Variants in GDF2 observed in about 807,000 individuals in gnomAD.
The protein encoded by GDF2 is growth differentiation factor 2.
In GDF2, 17 loss-of-function variants were observed where a neutral mutation model predicts 16.9. The ratio of observed to expected loss-of-function variants is 1.00; its 90% confidence interval spans 0.69 to 1.51. GDF2 has a LOEUF of 1.51. GDF2 is among the 40% of genes most tolerant of loss of function. GDF2 has a pLI of 0.00. For synonymous variants in GDF2, 276 were observed against 237.6 expected (o/e 1.16, Z -1.49); for missense variants, 523 against 556.3 (o/e 0.94, Z 0.60).
In GDF2 at chr10:47,323,156, A is replaced by G. The variant is rs1208586899; in HGVS notation, c.346+142A>G. ...TTACAATGAAATAAAATTAAAACTT[A>G]TTTCTTTAGCCTCACCAGCTTCCTT... On this transcript the variant is annotated intron_variant, in intron 1 of 1. Coordinates refer to ENST00000581492, the MANE Select transcript of GDF2 (RefSeq NM_016204.4). The G allele has an allele frequency of 1.3e-5, 8 of 615,624 alleles. No individual in the cohort carries two copies. In the Admixed American group the frequency reaches 2.6e-4, roughly 20 times the overall value. The allele number at this position is 615,624 out of a possible 1,614,324, so 38.1% of individuals were successfully genotyped here. A position where few individuals can be genotyped will look rare whatever the true frequency, so the allele number is the denominator to read the frequency against.
rs572929570 is a variant in GDF2, at chr10:47,326,804, G to A, written c.*1020G>A. 6.6e-6 allele frequency among the ~76,000 whole-genome samples: 1 copy of A among 152,364 alleles called. No individual in the cohort carries two copies. The highest frequency in any genetic ancestry group is 2.1e-4 in the South Asian group (1 of 4,832). On this transcript the variant is annotated 3_prime_UTR_variant, in exon 2 of 2. Coordinates refer to ENST00000581492, the MANE Select transcript of GDF2 (RefSeq NM_016204.4). ...TGGCCAGCACCTCTGCAGTTACTCT[G>A]CATAGCCAGCTCACCAGCATGCCAT...
intron 1 of GDF2, among the ~76,000 whole-genome samples, chr10:47,324,089 G>A (rs143332702): frequency 1.1e-4 from 16 of 152,358 alleles, no homozygotes; most frequent in East Asian, 9.6e-4. Context: ...TAGCAGGAGC[G>A]TGCTAATGAC....
chr10:47,325,220 C>T lies in GDF2; in HGVS notation c.726C>T (p.Ile242=). Residue 242 remains isoleucine (I), a synonymous_variant, in exon 2 of 2, where the codon ATC becomes ATT. Coordinates refer to ENST00000581492, the MANE Select transcript of GDF2 (RefSeq NM_016204.4). ...SHRKGCDTLD[I]SVPPGSRNLP... ...GGAAGGGCTGCGACACGCTGGACAT[C>T]AGTGTCCCCCCAGGTTCCAGAAACC... 6.2e-7 allele frequency: 1 copy of T among 1,614,092 alleles called. No individual in the cohort carries two copies. The highest frequency in any genetic ancestry group is 1.1e-5 in the South Asian group (1 of 91,070).
rs552900522 is a variant in GDF2, at chr10:47,327,024, C to A, written c.*1240C>A. 6.6e-6 allele frequency among the ~76,000 whole-genome samples: 1 copy of A among 152,230 alleles called. No homozygotes were observed. The highest frequency in any genetic ancestry group is 2.4e-5 in the African/African-American group (1 of 41,446). On this transcript the variant is annotated 3_prime_UTR_variant, in exon 2 of 2. Coordinates refer to ENST00000581492, the MANE Select transcript of GDF2 (RefSeq NM_016204.4). Reference sequence around the variant, plus strand: ...TCGGAAGAGCTGCAGTCCTTATCGGCTATCACTGGCTCTGCCTGCATTTGC... The same window carrying A: ...TCGGAAGAGCTGCAGTCCTTATCGGATATCACTGGCTCTGCCTGCATTTGC...
chr10:47,325,784 GTA>G lies in GDF2; in HGVS notation c.*2_*3del, dbSNP rs782403303. ...GCGTGGCAGAGTGTGGGTGCAGGTA[GTA>G]TCTGCCTGCGGGGCTGGGGAGGCAG... is the stretch of plus-strand genomic sequence containing the variant. On this transcript the variant is annotated 3_prime_UTR_variant, in exon 2 of 2. Transcript: ENST00000581492. 1 of 1,531,024 alleles carries G rather than the reference GTA, an allele frequency of 6.5e-7. No individual in the cohort carries two copies. Among genetic ancestry groups the G allele is most frequent in the Non-Finnish European group, 8.8e-7 (1 of 1,138,836 alleles). 94.8% of individuals were successfully genotyped at this position (1,531,024 alleles called of 1,614,324 possible). A position where few individuals can be genotyped will look rare whatever the true frequency, so the allele number is the denominator to read the frequency against.
In GDF2 at chr10:47,325,088, G is replaced by A. The variant is rs782129111; in HGVS notation, c.594G>A (p.Gln198=). 1 of 1,614,096 alleles carries A rather than the reference G, an allele frequency of 6.2e-7. No homozygotes were observed. Among genetic ancestry groups the A allele is most frequent in the Middle Eastern group, 1.6e-4 (1 of 6,062 alleles). ...CCTTCCTGGTGTCCCAGGACATTCA[G>A]GATGAGGGCTGGGAGACCTTGGAAG... The part of the protein sequence containing the change: ...TKTFLVSQDI[Q]DEGWETLEVS... The change falls in exon 2 of 2, where the codon CAG becomes CAA. Residue 198 remains glutamine, a synonymous_variant. Coordinates refer to ENST00000581492, the MANE Select transcript of GDF2 (RefSeq NM_016204.4).
At position 47,325,774 on chromosome 10, in the gene GDF2, G is replaced by A. The variant is rs1555209109; in HGVS notation, c.1280G>A (p.Gly427Glu). Residue 427 changes from glycine to glutamate, a missense_variant, in exon 2 of 2, where the codon GGG (glycine) becomes GAG (glutamate). Gly to Glu is a moderately conservative substitution (Grantham distance 98, BLOSUM62 -2). Transcript: ENST00000581492. ...GAGGGCATGAGCGTGGCAGAGTGTG[G>A]GTGCAGGTAGTATCTGCCTGCGGGG... ...HYEGMSVAEC[G>E]CR 6.5e-7 allele frequency: 1 copy of A among 1,539,936 alleles called. No individual in the cohort carries two copies. Among genetic ancestry groups the A allele is most frequent in the Non-Finnish European group, 8.8e-7 (1 of 1,142,802 alleles).
In GDF2 at chr10:47,325,701, G is replaced by A. The variant is rs367957332; in HGVS notation, c.1207G>A (p.Val403Ile). ...GCCCACCAAACTGAGCCCCATCTCC[G>A]TCCTCTACAAGGATGACATGGGGGT... ...CVPTKLSPISVLYKDDMGVPT... is the reference protein window; with the variant it reads ...CVPTKLSPISILYKDDMGVPT... Residue 403 changes from valine (V) to isoleucine (I), a missense_variant, in exon 2 of 2, where the codon GTC (valine) becomes ATC (isoleucine). Val to Ile is a conservative substitution (Grantham distance 29). Coordinates refer to ENST00000581492, the MANE Select transcript of GDF2 (RefSeq NM_016204.4). The A allele has an allele frequency of 4.7e-5, 76 of 1,601,416 alleles. 1 individual carries two copies. The highest frequency in any genetic ancestry group is 3.6e-4 in the East Asian group (16 of 44,728).
Position 47,322,814 on chromosome 10 carries a change from C to T in GDF2, c.146C>T (p.Pro49Leu), listed in dbSNP as rs563112709. 6.2e-7 allele frequency: 1 copy of T among 1,613,932 alleles called. No individual in the cohort carries two copies. The highest frequency in any genetic ancestry group is 1.3e-5 in the African/African-American group (1 of 75,058). The change falls in exon 1 of 2, where the codon CCT (proline) becomes CTT (leucine). Residue 49 changes from proline to leucine, a missense_variant. Pro to Leu is a moderately conservative substitution (Grantham distance 98). Coordinates refer to ENST00000581492, the MANE Select transcript of GDF2 (RefSeq NM_016204.4). ...CTGGGGGTGCCTGGAGGTGGGCTGC[C>T]TGAGCACACCTTCAACCTGAAGATG... ...SPLGVPGGGL[P>L]EHTFNLKMFL... is the part of the protein sequence containing the mutation.
At chr10:47,324,791 A>G in intron 1 of GDF2, 50 bp from the exon 2 acceptor site, 1 of 1,292,598 alleles carries the variant, frequency 7.7e-7, no homozygotes, top group South Asian at 1.2e-5. Context: ...CTTCAGTGTC[A>G]TGGAAACAGA....
chr10:47,323,195 T>G (rs1029613708), intron 1 of GDF2, among the ~76,000 whole-genome samples, 181 bp downstream of exon 1: 32 of 152,358 alleles, frequency 2.1e-4, no homozygotes, highest in African/African-American at 7.7e-4. Context: ...AATGCGTGGC[T>G]AATGGCTTCC....
chr10:47,324,930 A>C lies in GDF2; in HGVS notation c.436A>C (p.Thr146Pro). The change falls in exon 2 of 2, where the codon ACC (threonine) becomes CCC (proline). Residue 146 changes from threonine (T) to proline (P), a missense_variant. Transcript: ENST00000581492. ...CTCCATTCCTAGGCATGAGCAGATC[A>C]CCAGAGCTGAGCTCCGACTCTATGT... ...NISIPRHEQI[T>P]RAELRLYVSC... 6.2e-7 allele frequency: 1 copy of C among 1,614,024 alleles called. No individual in the cohort carries two copies. The highest frequency in any genetic ancestry group is 8.5e-7 in the Non-Finnish European group (1 of 1,179,974).
Position 47,325,222 on chromosome 10 carries a change from G to C in GDF2, c.728G>C (p.Ser243Thr), listed in dbSNP as rs373157226. ...AAGGGCTGCGACACGCTGGACATCAGTGTCCCCCCAGGTTCCAGAAACCTG... is the reference window on the plus strand; with the variant it reads ...AAGGGCTGCGACACGCTGGACATCACTGTCCCCCCAGGTTCCAGAAACCTG... ...HRKGCDTLDI[S>T]VPPGSRNLPF... Residue 243 changes from serine to threonine, a missense_variant, in exon 2 of 2, where the codon AGT becomes ACT. Physicochemically the swap from Ser to Thr is moderately conservative, Grantham distance 58. Transcript: ENST00000581492. 4.3e-6 allele frequency: 7 copies of C among 1,614,122 alleles called. No homozygotes were observed. Among genetic ancestry groups the C allele is most frequent in the East Asian group, 2.2e-5 (1 of 44,876 alleles).
rs782024064 is a variant in GDF2, at chr10:47,325,790, G to A, written c.*6G>A. 6.6e-7 allele frequency: 1 copy of A among 1,522,436 alleles called. No homozygotes were observed. Among genetic ancestry groups the A allele is most frequent in the Non-Finnish European group, 8.8e-7 (1 of 1,134,426 alleles). The allele number at this position is 1,522,436 out of a possible 1,614,324, so 94.3% of individuals were successfully genotyped here. On this transcript the variant is annotated 3_prime_UTR_variant, in exon 2 of 2. Transcript: ENST00000581492. ...CAGAGTGTGGGTGCAGGTAGTATCT[G>A]CCTGCGGGGCTGGGGAGGCAGGCCA... is the stretch of plus-strand genomic sequence containing the variant.
intron 1 of GDF2, among the ~76,000 whole-genome samples, chr10:47,323,731 C>CT (rs1293644703): frequency 6.6e-6 from 1 of 152,222 alleles, no homozygotes; most frequent in Non-Finnish European, 1.5e-5. Context: ...AAGCTTGCAG[C>CT]CACCAAGGGT....
In GDF2 at chr10:47,325,047, G is replaced by C; in HGVS notation, c.553G>C (p.Ala185Pro). 6.2e-7 allele frequency: 1 copy of C among 1,614,118 alleles called. No homozygotes were observed. The highest frequency in any genetic ancestry group is 8.5e-7 in the Non-Finnish European group (1 of 1,180,034). ...GGATGGAACAGATGCCTGGGATAGT[G>C]CTACAGAGACCAAGACCTTCCTGGT... ...VLDGTDAWDSATETKTFLVSQ... is the reference protein window; with the variant it reads ...VLDGTDAWDSPTETKTFLVSQ... Residue 185 changes from alanine to proline, a missense_variant, in exon 2 of 2, where the codon GCT becomes CCT. Coordinates refer to ENST00000581492, the MANE Select transcript of GDF2 (RefSeq NM_016204.4).
rs2061097787 is a variant in GDF2 at position 47,324,758 on chromosome 10, T to C, written c.347-83T>C. 7 of 925,250 alleles carry C rather than the reference T, an allele frequency of 7.6e-6. No individual in the cohort carries two copies. In the South Asian group the frequency reaches 1.0e-4, roughly 14 times the overall value. 57.3% of individuals were successfully genotyped at this position (925,250 alleles called of 1,614,324 possible). A position where few individuals can be genotyped will look rare whatever the true frequency, so the allele number is the denominator to read the frequency against. ...CCAAAATTGTTATCCCAGATGCTCT[T>C]CTGTCTAAACCCTGAGACTCAGCTT... On this transcript the variant is annotated intron_variant, in intron 1 of 1. Coordinates refer to ENST00000581492, the MANE Select transcript of GDF2 (RefSeq NM_016204.4).
chr10:47,325,039 G>T lies in GDF2; in HGVS notation c.545G>T (p.Trp182Leu). ...GATGTTCTGGATGGAACAGATGCCT[G>T]GGATAGTGCTACAGAGACCAAGACC... Reference protein sequence around the residue: ...IYDVLDGTDAWDSATETKTFL... With the variant: ...IYDVLDGTDALDSATETKTFL... Residue 182 changes from tryptophan (W) to leucine (L), a missense_variant, in exon 2 of 2, where the codon TGG becomes TTG. Trp to Leu is a moderately conservative substitution (Grantham distance 61). Transcript: ENST00000581492. The T allele has an allele frequency of 6.2e-7, 1 of 1,614,106 alleles. No homozygotes were observed. The highest frequency in any genetic ancestry group is 8.5e-7 in the Non-Finnish European group (1 of 1,180,028).
rs1555208959 is a variant in GDF2 at position 47,325,231 on chromosome 10, C to T, written c.737C>T (p.Pro246Leu). 1 of 1,614,130 alleles carries T rather than the reference C, an allele frequency of 6.2e-7. No homozygotes were observed. Among genetic ancestry groups the T allele is most frequent in the South Asian group, 1.1e-5 (1 of 91,070 alleles). Residue 246 changes from proline to leucine, a missense_variant, in exon 2 of 2, where the codon CCA becomes CTA. Physicochemically the swap from Pro to Leu is moderately conservative, Grantham distance 98. Transcript: ENST00000581492. ...GCDTLDISVP[P>L]GSRNLPFFVV... Reference sequence around the variant, plus strand: ...GACACGCTGGACATCAGTGTCCCCCCAGGTTCCAGAAACCTGCCCTTCTTT... The same window carrying T: ...GACACGCTGGACATCAGTGTCCCCCTAGGTTCCAGAAACCTGCCCTTCTTT...
Sources: gnomAD v4.1 joint callset for allele counts (sites outside exome capture counted in the v4.1 genomes callset) on GRCh38, gnomAD v4.1.1 for gene constraint, MANE v1.5 for transcripts, NCBI Gene and HGNC (gene_info 2026-07-23, HGNC 2026-07-21) for gene names.